Variants in KANSL2 observed in about 807,000 individuals in gnomAD.
KANSL2 encodes NSL complex protein NSL2.
In KANSL2, 34 loss-of-function variants were observed where a neutral mutation model predicts 55.6. That is an observed-to-expected ratio of 0.61 (90% CI 0.46 to 0.81). The LOEUF (loss-of-function observed/expected upper bound fraction) is 0.81. Ranked by LOEUF, KANSL2 falls within the 40% of genes least tolerant of loss-of-function variation. The probability of loss-of-function intolerance (pLI) is 0.00; values close to 1 mark genes in which losing one functional copy is unlikely to be tolerated. For missense variants in KANSL2, 502 were observed against 609.9 expected (o/e 0.82, Z 1.86); for synonymous variants, 209 against 214.3 (o/e 0.98, Z 0.22).
At chr12:48,658,461 A>C (rs1939430507) in intron 8 of KANSL2, among the ~76,000 whole-genome samples, 1 of 152,202 alleles carries the variant, frequency 6.6e-6, no homozygotes, top group Non-Finnish European at 1.5e-5. Flanking sequence ...TATAAAGAGA[A>C]TCCATGTTTT....
intron 5 of KANSL2, among the ~76,000 whole-genome samples, chr12:48,670,908 G>C (rs747819819): frequency 1.3e-5 from 2 of 151,822 alleles, no homozygotes; most frequent in African/African-American, 4.8e-5. Context: ...AGGCTGCAGT[G>C]AGTGAGGACT....
At chr12:48,676,686 C>T (rs4132370) in intron 4 of KANSL2, among the ~76,000 whole-genome samples, 31,916 of 151,740 alleles carry the variant, frequency 0.21, 4,659 homozygotes, top group Non-Finnish European at 0.33. Flanking sequence ...GGATTACATG[C>T]GTAAGTCACT....
At chr12:48,673,590 TA>T (rs1420073680) in intron 4 of KANSL2, among the ~76,000 whole-genome samples, 1 of 149,798 alleles carries the variant, frequency 6.7e-6, no homozygotes, top group African/African-American at 2.5e-5. Flanking sequence ...AAAGAACTTC[TA>T]AAAGTTTTGC....
chr12:48,656,729 C>G (rs770931133), intron 8 of KANSL2: 2 of 518,938 alleles, frequency 3.9e-6, no homozygotes, highest in Non-Finnish European at 7.7e-6. Flanking sequence ...TCACTCTTAG[C>G]TCCTGTTTGA....
At chr12:48,656,829 TG>T in intron 8 of KANSL2, 1 of 468,854 alleles carries the variant, frequency 2.1e-6, no homozygotes, top group Non-Finnish European at 4.2e-6. Flanking sequence ...TTCATGCCAC[TG>T]CTTTTCAAGA....
chr12:48,664,873 C>T (rs1163813923), intron 7 of KANSL2, among the ~76,000 whole-genome samples: 4 of 144,984 alleles, frequency 2.8e-5, no homozygotes, highest in African/African-American at 7.6e-5. Flanking sequence ...TGAGCCACTG[C>T]GCCCGCTTTT....
intron 9 of KANSL2, chr12:48,654,508 G>A (rs1193553506): frequency 1.6e-6 from 1 of 631,578 alleles, no homozygotes; most frequent in Non-Finnish European, 3.1e-6. Context: ...CTGGTCTTCA[G>A]TCAGGGCCAC....
rs368081073 is a variant in KANSL2, at chr12:48,655,092, C to T, written c.1228-32G>A. On this transcript the variant is annotated intron_variant, in intron 8 of 9. Transcript: ENST00000420613. ...AAAAGAGAAAAGCCCATCAGCAATA[C>T]CAAGGGAAACAGTAATAAAGTTGGC... The T allele has an allele frequency of 4.5e-5, 69 of 1,550,350 alleles. No individual in the cohort carries two copies. In the Middle Eastern group the frequency reaches 1.2e-3, roughly 26 times the overall value.
chr12:48,654,460 T>C, intron 9 of KANSL2: 2 of 679,496 alleles, frequency 2.9e-6, no homozygotes. Context: ...GACAGTCCTT[T>C]AGGCCTCTGC....
At position 48,681,654 on chromosome 12, in the gene KANSL2, A is replaced by C. The variant is rs763556455; in HGVS notation, c.-9-13T>G. 10 of 1,613,772 alleles carry C rather than the reference A, an allele frequency of 6.2e-6. No individual in the cohort carries two copies. In the East Asian group the frequency reaches 2.0e-4, roughly 32 times the overall value. On this transcript the variant is annotated splice_polypyrimidine_tract_variant and intron_variant, in intron 1 of 9. Transcript: ENST00000420613. ...TCATAACCAAAACCTGCGGGGTCAA[A>C]CGAAAGACCAAAAAGCCCTTACCCT...
intron 6 of KANSL2, among the ~76,000 whole-genome samples, chr12:48,668,882 A>C (rs1162047067): frequency 6.6e-6 from 1 of 151,844 alleles, no homozygotes; most frequent in African/African-American, 2.4e-5. Flanking sequence ...AAATACAAAA[A>C]CATTAGCTGG....
intron 8 of KANSL2, among the ~76,000 whole-genome samples, chr12:48,656,041 T>C (rs1939374276): frequency 6.6e-6 from 1 of 152,218 alleles, no homozygotes; most frequent in Non-Finnish European, 1.5e-5. Flanking sequence ...TCACCAGTGA[T>C]TAATTTAAAT....
intron 5 of KANSL2, among the ~76,000 whole-genome samples, chr12:48,670,584 TAAAA>T (rs966398708): frequency 9.9e-4 from 151 of 152,202 alleles, no homozygotes; most frequent in African/African-American, 3.5e-3. Flanking sequence ...TATAGGGATA[TAAAA>T]AAAATTTTTG....
At chr12:48,669,073 C>T (rs1195411601) in intron 6 of KANSL2, 33 bp downstream of exon 6, 5 of 1,442,328 alleles carry the variant, frequency 3.5e-6, no homozygotes, top group Non-Finnish European at 4.6e-6. Context: ...ATAAAGTGAA[C>T]GTATATACCT....
intron 7 of KANSL2, among the ~76,000 whole-genome samples, chr12:48,664,203 C>T (rs897802129): frequency 6.6e-6 from 1 of 151,994 alleles, no homozygotes; most frequent in Non-Finnish European, 1.5e-5. Flanking sequence ...GTGAGAGCCA[C>T]TTTGCCCGGC....
intron 7 of KANSL2, among the ~76,000 whole-genome samples, chr12:48,663,912 C>A (rs1939535915): frequency 7.4e-6 from 1 of 135,162 alleles, no homozygotes; most frequent in African/African-American, 2.8e-5. Flanking sequence ...TAACTATTAG[C>A]CTTTTTTTTT....
At chr12:48,681,902 GGAAGCGACAACAC>G (rs1344758504) in intron 1 of KANSL2, 8 of 703,610 alleles carry the variant, frequency 1.1e-5, no homozygotes, top group Non-Finnish European at 2.1e-5. Flanking sequence ...CAGCACGAAG[GGAAGCGACAACAC>G]CAGCCCCACG....
chr12:48,666,903 G>A (rs749498933), intron 7 of KANSL2, among the ~76,000 whole-genome samples: 6 of 150,942 alleles, frequency 4.0e-5, no homozygotes, highest in East Asian at 2.0e-4. Context: ...AATAAAAGCC[G>A]GGCACAGTGG....
At chr12:48,668,974 TGA>T in intron 6 of KANSL2, 130 bp downstream of exon 6, 1 of 605,976 alleles carries the variant, frequency 1.7e-6, no homozygotes, top group Non-Finnish European at 2.6e-6. Flanking sequence ...AGGCAGAGGT[TGA>T]GAGATCTCAG....
Sources: allele counts gnomAD v4.1 joint callset (sites outside exome capture counted in the v4.1 genomes callset), GRCh38; gene constraint gnomAD v4.1.1; transcripts MANE v1.5; gene names NCBI Gene and HGNC (gene_info 2026-07-23, HGNC 2026-07-21).